Variants in FLRT1 observed in about 807,000 individuals in gnomAD.
FLRT1 encodes the protein fibronectin leucine rich transmembrane protein 1.
Under a neutral mutation model 30.9 loss-of-function variants are expected in FLRT1, and 14 were observed. The observed-to-expected ratio is 0.45, with a 90% CI of 0.30 to 0.71. The LOEUF (loss-of-function observed/expected upper bound fraction) is 0.71. Ranked by LOEUF, FLRT1 falls within the 30% of genes least tolerant of loss-of-function variation. The probability of loss-of-function intolerance (pLI) is 0.08; values close to 1 mark genes in which losing one functional copy is unlikely to be tolerated. For missense variants in FLRT1, 737 were observed against 949.2 expected (o/e 0.78, Z 2.94); for synonymous variants, 368 against 430.4 (o/e 0.85, Z 1.80).
At chr11:64,102,250 C>T (rs1024155569) in intron 1 of FLRT1, among the ~76,000 whole-genome samples, 8 of 152,282 alleles carry the variant, frequency 5.3e-5, no homozygotes, top group South Asian at 2.1e-4. Flanking sequence ...TTCCACATGC[C>T]GCACTAATGA....
rs1444218872 is a variant in FLRT1, at chr11:64,067,870, C to T, written c.-1038+31711C>T. Among the ~76,000 whole-genome samples the T allele has an allele frequency of 6.6e-6, 1 of 152,186 alleles. No individual in the cohort carries two copies. Among genetic ancestry groups the T allele is most frequent in the East Asian group, 1.9e-4 (1 of 5,190 alleles). On this transcript the variant is annotated intron_variant, in intron 1 of 2. Coordinates refer to ENST00000682287, the MANE Select transcript of FLRT1 (RefSeq NM_013280.5). This position sits in a 1 kb window ranked among gnomAD's most constrained non-coding sequence, Gnocchi z 4.6. The stretch of plus-strand genomic sequence containing the variant: ...GGGGAGGAGCTGAGCGGCCCACTTC[C>T]TGCTGCTGTCCATTTAGCCAGCGGT...
chr11:64,057,518 C>T (rs1943811566), intron 1 of FLRT1, among the ~76,000 whole-genome samples: 2 of 152,228 alleles, frequency 1.3e-5, no homozygotes, highest in African/African-American at 4.8e-5. Context: ...AAGCCCAGCT[C>T]TCCAGGCCAA....
At chr11:64,054,864 T>G (rs758706255) in intron 1 of FLRT1, among the ~76,000 whole-genome samples, 3 of 152,044 alleles carry the variant, frequency 2.0e-5, no homozygotes, top group Non-Finnish European at 4.4e-5. Context: ...AAGGGAATTC[T>G]AGCATCTCCC....
At position 64,118,264 on chromosome 11, in the gene FLRT1, T is replaced by C. The variant is rs1945033150; in HGVS notation, c.1997T>C (p.Ile666Thr). Residue 666 changes from isoleucine (I) to threonine (T), a missense_variant, in exon 3 of 3, where the codon ATC becomes ACC. Coordinates refer to ENST00000682287, the MANE Select transcript of FLRT1 (RefSeq NM_013280.5). Reference sequence around the variant, plus strand: ...ACGCGGGGCTACCGGGACGGCGGCATCCCCGACATAGACTACTCCTACACA... The same window carrying C: ...ACGCGGGGCTACCGGGACGGCGGCACCCCCGACATAGACTACTCCTACACA... ...GTTRGYRDGG[I>T]PDIDYSYT The C allele has an allele frequency of 1.9e-6, 3 of 1,592,226 alleles. No homozygotes were observed. The highest frequency in any genetic ancestry group is 3.3e-4 in the Middle Eastern group (2 of 5,972).
At chr11:64,087,294 T>C (rs1944411667) in intron 1 of FLRT1, 1 of 152,354 alleles carries the variant, frequency 6.6e-6, no homozygotes, top group South Asian at 2.1e-4. Flanking sequence ...AACCTGCTCC[T>C]GTCACTTCGG....
At chr11:64,073,046 C>G (rs991947362) in intron 1 of FLRT1, among the ~76,000 whole-genome samples, 3 of 152,160 alleles carry the variant, frequency 2.0e-5, no homozygotes, top group African/African-American at 7.2e-5. Context: ...GCCAGCAGGC[C>G]CAGCTCCTGA....
At chr11:64,094,615 G>A (rs1260351727) in intron 1 of FLRT1, among the ~76,000 whole-genome samples, 2 of 152,182 alleles carry the variant, frequency 1.3e-5, no homozygotes, top group Non-Finnish European at 2.9e-5. Flanking sequence ...AGAGCCATTG[G>A]GTCGCGTACG....
chr11:64,069,303 A>T (rs1366345745), intron 1 of FLRT1, among the ~76,000 whole-genome samples: 1 of 152,130 alleles, frequency 6.6e-6, no homozygotes, highest in Non-Finnish European at 1.5e-5. Context: ...CCAGGCCTGG[A>T]TGAGGCACGG....
intron 1 of FLRT1, among the ~76,000 whole-genome samples, chr11:64,070,013 G>C (rs1177494800): frequency 6.6e-6 from 1 of 152,162 alleles, no homozygotes; most frequent in Non-Finnish European, 1.5e-5. Context: ...GGACAGGCGG[G>C]GATGGTGAGA....
intron 1 of FLRT1, among the ~76,000 whole-genome samples, chr11:64,063,068 C>A (rs565760062): frequency 1.3e-5 from 2 of 152,182 alleles, no homozygotes; most frequent in Non-Finnish European, 2.9e-5. Context: ...TGGTGACAGT[C>A]GTTCTAGTTT....
intron 2 of FLRT1, among the ~76,000 whole-genome samples, chr11:64,110,678 G>A (rs1472663296): frequency 1.3e-5 from 2 of 152,106 alleles, no homozygotes; most frequent in Non-Finnish European, 2.9e-5. Flanking sequence ...CTAAGGATCC[G>A]GCTGTCAGTC....
intron 2 of FLRT1, among the ~76,000 whole-genome samples, chr11:64,112,982 T>A (rs900714707): frequency 6.6e-6 from 1 of 152,164 alleles, no homozygotes; most frequent in African/African-American, 2.4e-5. Context: ...TTGGCCACAG[T>A]CCCTGCCCTG....
chr11:64,078,413 T>C (rs780026967), intron 1 of FLRT1, among the ~76,000 whole-genome samples: 4 of 152,178 alleles, frequency 2.6e-5, no homozygotes. Flanking sequence ...CAATATTAAA[T>C]GCAGCTGCAC....
intron 1 of FLRT1, among the ~76,000 whole-genome samples, chr11:64,039,420 C>CG (rs1009945775): frequency 1.3e-5 from 2 of 152,088 alleles, no homozygotes; most frequent in East Asian, 1.9e-4. Flanking sequence ...CGGGTGGTAG[C>CG]GGGGGGTCCC....
chr11:64,079,113 G>C (rs931260945), intron 1 of FLRT1, among the ~76,000 whole-genome samples: 2 of 152,134 alleles, frequency 1.3e-5, no homozygotes, highest in African/African-American at 4.8e-5. Flanking sequence ...TGGTGCAGTG[G>C]GGGGCGGTGG....
At chr11:64,086,130 G>A (rs1474040626) in intron 1 of FLRT1, among the ~76,000 whole-genome samples, 1 of 152,180 alleles carries the variant, frequency 6.6e-6, no homozygotes, top group Admixed American at 6.5e-5. Flanking sequence ...GGTGGGGTGG[G>A]TGGCTGCGCA....
intron 1 of FLRT1, among the ~76,000 whole-genome samples, chr11:64,072,056 C>T (rs967460998): frequency 1.3e-5 from 2 of 151,644 alleles, no homozygotes; most frequent in Non-Finnish European, 2.9e-5. Flanking sequence ...TAAATCCTCC[C>T]GGCAGACAAG....
At chr11:64,069,814 G>C (rs748642120) in intron 1 of FLRT1, among the ~76,000 whole-genome samples, 1 of 152,204 alleles carries the variant, frequency 6.6e-6, no homozygotes, top group East Asian at 1.9e-4. Context: ...GACGCAACAG[G>C]CTTCTTATCG....
At chr11:64,113,791 G>T (rs917910622) in intron 2 of FLRT1, among the ~76,000 whole-genome samples, 2 of 149,428 alleles carry the variant, frequency 1.3e-5, no homozygotes, top group African/African-American at 4.9e-5. Context: ...ATGGACAGGT[G>T]CATGCATGAT....
Sources: gnomAD v4.1 joint callset for allele counts (sites outside exome capture counted in the v4.1 genomes callset) on GRCh38, gnomAD v4.1.1 for gene constraint, Gnocchi (gnomAD v3.1) non-coding constraint, MANE v1.5 for transcripts, NCBI Gene and HGNC (gene_info 2026-07-23, HGNC 2026-07-21) for gene names.